CARMIL1: variants seen among roughly 807,000 people sequenced by gnomAD.
CARMIL1 encodes the protein capping protein regulator and myosin 1 linker 1, also known as F-actin-uncapping protein LRRC16A.
CARMIL1 carries 90 observed loss-of-function variants against 177.1 expected under a neutral mutation model. That is an observed-to-expected ratio of 0.51 (90% CI 0.43 to 0.61). CARMIL1 has a LOEUF of 0.61. CARMIL1 is among the 20% of genes least tolerant of loss of function. The pLI is 0.00. For missense variants in CARMIL1, 1,380 were observed against 1,667.0 expected (o/e 0.83, Z 3.00); for synonymous variants, 577 against 606.2 (o/e 0.95, Z 0.71).
chr6:25,493,454 A>G (rs913019940), intron 15 of CARMIL1, among the ~76,000 whole-genome samples: 1 of 152,244 alleles, frequency 6.6e-6, no homozygotes, highest in African/African-American at 2.4e-5. Flanking sequence ...CCACAGTAAC[A>G]GTGACCGCTT....
chr6:25,407,628 A>C (rs1254884817), intron 2 of CARMIL1, among the ~76,000 whole-genome samples: 3 of 152,330 alleles, frequency 2.0e-5, no homozygotes, highest in Admixed American at 2.0e-4. Context: ...CTACCACTGC[A>C]AGCATGGAAT....
intron 2 of CARMIL1, among the ~76,000 whole-genome samples, chr6:25,371,319 A>G (rs1243842513): frequency 6.6e-6 from 1 of 152,200 alleles, no homozygotes; most frequent in African/African-American, 2.4e-5. Flanking sequence ...CAGTTCTTTA[A>G]GGAATCTTCA....
chr6:25,405,931 T>G (rs1261359693), intron 2 of CARMIL1, among the ~76,000 whole-genome samples: 2 of 152,192 alleles, frequency 1.3e-5, no homozygotes, highest in Non-Finnish European at 2.9e-5. Context: ...ATCCTGAATT[T>G]TCAGAGGTGG....
chr6:25,281,733 A>G (rs1781132245), intron 1 of CARMIL1, among the ~76,000 whole-genome samples: 1 of 152,124 alleles, frequency 6.6e-6, no homozygotes, highest in Non-Finnish European at 1.5e-5. Flanking sequence ...TGCTCACAAG[A>G]GTTCTGCTCT....
intron 13 of CARMIL1, 47 bp from the exon 14 acceptor site, chr6:25,491,685 G>C: frequency 8.3e-7 from 1 of 1,199,188 alleles, no homozygotes; most frequent in Non-Finnish European, 1.2e-6. Context: ...TTGTGTGTAT[G>C]TGTGTGTTTC....
At chr6:25,335,574 A>C (rs1786125967) in intron 2 of CARMIL1, among the ~76,000 whole-genome samples, 2 of 152,380 alleles carry the variant, frequency 1.3e-5, no homozygotes, top group South Asian at 4.1e-4. Flanking sequence ...AAAGGAGAGA[A>C]ATAGGATGAA....
chr6:25,545,513 G>A (rs1166883124), intron 26 of CARMIL1, among the ~76,000 whole-genome samples: 2 of 152,120 alleles, frequency 1.3e-5, no homozygotes, highest in East Asian at 1.9e-4. Context: ...TAAAATAACT[G>A]TCCATAATTG....
chr6:25,338,090 C>T (rs1242132676), intron 2 of CARMIL1, among the ~76,000 whole-genome samples: 1 of 151,960 alleles, frequency 6.6e-6, no homozygotes, highest in African/African-American at 2.4e-5. Flanking sequence ...AACCCCGTCT[C>T]TACCGAAAAT....
chr6:25,403,002 A>G (rs550358474), intron 2 of CARMIL1, among the ~76,000 whole-genome samples: 56 of 152,166 alleles, frequency 3.7e-4, no homozygotes, highest in African/African-American at 1.3e-3. Context: ...GACAAACATA[A>G]TTTGATAATC....
chr6:25,466,237 CTG>C (rs1800585985), intron 9 of CARMIL1, among the ~76,000 whole-genome samples: 1 of 152,130 alleles, frequency 6.6e-6, no homozygotes, highest in Non-Finnish European at 1.5e-5. Context: ...TTGGCAAAAA[CTG>C]TTAAAGTTAC....
chr6:25,586,801 A>T (rs1425711463), intron 31 of CARMIL1, among the ~76,000 whole-genome samples: 1 of 152,102 alleles, frequency 6.6e-6, no homozygotes, highest in Non-Finnish European at 1.5e-5. Context: ...AAAAAATACA[A>T]AAACCAGTCA....
chr6:25,471,253 A>G lies in CARMIL1; in HGVS notation c.775A>G (p.Arg259Gly), dbSNP rs1801073639. The change falls in exon 10 of 37, where the codon AGA becomes GGA. Residue 259 changes from arginine (R) to glycine (G), a missense_variant. Transcript: ENST00000329474. ...ATTGGTGTTGGAAAATGCTGGACTT[A>G]GAACGTGAGTATTTTCCTGAATATA... The part of the protein sequence containing the change: ...EELVLENAGL[R>G]TDFAQKLASA... 1 of 1,607,384 alleles carries G rather than the reference A, an allele frequency of 6.2e-7. No homozygotes were observed.
intron 2 of CARMIL1, among the ~76,000 whole-genome samples, chr6:25,417,813 G>A (rs1415269188): frequency 6.6e-6 from 1 of 152,160 alleles, no homozygotes; most frequent in Non-Finnish European, 1.5e-5. Context: ...GTTCATCACT[G>A]AGTCTCAATT....
Position 25,371,045 on chromosome 6 carries a change from C to T in CARMIL1, c.139-49069C>T, listed in dbSNP as rs553004027. Among the ~76,000 whole-genome samples, 44 of 152,218 alleles carry T rather than the reference C, an allele frequency of 2.9e-4. 1 individual carries two copies. The South Asian group carries it at 7.1e-3, about 24-fold the overall frequency. On this transcript the variant is annotated intron_variant, in intron 2 of 36. Coordinates refer to ENST00000329474, the MANE Select transcript of CARMIL1 (RefSeq NM_017640.6). ...GGTTTTCCATTCCTGAGTTACTTCA[C>T]GTAGAATAATGGCCTCCAGCTCCAT...
intron 5 of CARMIL1, among the ~76,000 whole-genome samples, chr6:25,447,096 C>T (rs1468677477): frequency 6.6e-6 from 1 of 152,164 alleles, no homozygotes; most frequent in Non-Finnish European, 1.5e-5. Flanking sequence ...GAATGTGGCA[C>T]AGAGACAGGA....
At chr6:25,413,799 T>C (rs1795127394) in intron 2 of CARMIL1, among the ~76,000 whole-genome samples, 1 of 151,434 alleles carries the variant, frequency 6.6e-6, no homozygotes, top group African/African-American at 2.4e-5. Context: ...ATATACTCCA[T>C]CTGATGCACC....
At chr6:25,494,374 A>T (rs1803497717) in intron 15 of CARMIL1, among the ~76,000 whole-genome samples, 1 of 152,132 alleles carries the variant, frequency 6.6e-6, no homozygotes, top group Admixed American at 6.5e-5. Context: ...GAACAGAACA[A>T]GCACAGTGTT....
chr6:25,472,603 G>GT, intron 11 of CARMIL1, 82 bp downstream of exon 11: 1 of 1,127,988 alleles, frequency 8.9e-7, no homozygotes, highest in South Asian at 1.4e-5. Flanking sequence ...CTGAAGAGCT[G>GT]TATCAAGCTA....
At chr6:25,422,228 C>G (rs751699367) in intron 3 of CARMIL1, among the ~76,000 whole-genome samples, 12 of 152,128 alleles carry the variant, frequency 7.9e-5, no homozygotes, top group Non-Finnish European at 1.5e-4. Context: ...CCTTATCGTG[C>G]TATGATGTTT....
Sources: allele counts gnomAD v4.1 joint callset (sites outside exome capture counted in the v4.1 genomes callset), GRCh38; gene constraint gnomAD v4.1.1; transcripts MANE v1.5; gene names NCBI Gene and HGNC (gene_info 2026-07-23, HGNC 2026-07-21).